IMMP2L: variants seen among roughly 807,000 people sequenced by gnomAD.
IMMP2L encodes the protein inner mitochondrial membrane peptidase subunit 2, also known as mitochondrial inner membrane protease subunit 2.
IMMP2L carries 18 observed loss-of-function variants against 19.3 expected under a neutral mutation model. That is an observed-to-expected ratio of 0.93 (90% CI 0.64 to 1.38). IMMP2L has a LOEUF of 1.38. Among genes scored for constraint, IMMP2L ranks in the 40% most tolerant of loss-of-function variants. IMMP2L has a pLI of 0.00. For missense variants in IMMP2L, 233 were observed against 218.2 expected (o/e 1.07, Z -0.43); for synonymous variants, 76 against 73.0 (o/e 1.04, Z -0.21).
chr7:111,530,436 G>A (rs1847281485), intron 1 of IMMP2L, among the ~76,000 whole-genome samples: 1 of 152,148 alleles, frequency 6.6e-6, no homozygotes, highest in Non-Finnish European at 1.5e-5. Context: ...TAATCATTTT[G>A]TTCTGCTTTG....
intron 5 of IMMP2L, among the ~76,000 whole-genome samples, chr7:110,664,100 C>T (rs1791261432): frequency 1.3e-5 from 2 of 152,212 alleles, no homozygotes; most frequent in South Asian, 4.1e-4. Context: ...CTCGAGTCCA[C>T]CATCTTAACC....
intron 3 of IMMP2L, among the ~76,000 whole-genome samples, chr7:111,415,363 C>T (rs1211924683): frequency 6.6e-6 from 1 of 151,722 alleles, no homozygotes; most frequent in Non-Finnish European, 1.5e-5. Flanking sequence ...CAGGGGAGAC[C>T]TTGACTTTAG....
At chr7:111,066,797 T>C (rs747583562) in intron 3 of IMMP2L, among the ~76,000 whole-genome samples, 8 of 152,212 alleles carry the variant, frequency 5.3e-5, no homozygotes, top group Middle Eastern at 3.2e-3. Flanking sequence ...AGTCTACCAA[T>C]ATGAATTACG....
intron 1 of IMMP2L, among the ~76,000 whole-genome samples, chr7:111,541,543 C>T (rs1017887539): frequency 6.6e-6 from 1 of 152,102 alleles, no homozygotes; most frequent in African/African-American, 2.4e-5. Flanking sequence ...TCATCTTAAA[C>T]GGCAGCTTAG....
chr7:111,060,895 C>T (rs1793955449), intron 3 of IMMP2L, among the ~76,000 whole-genome samples: 1 of 152,200 alleles, frequency 6.6e-6, no homozygotes, highest in Admixed American at 6.5e-5. Flanking sequence ...AGATGAATTT[C>T]ATCCTCACAA....
At chr7:111,503,215 T>A (rs1218525929) in intron 2 of IMMP2L, among the ~76,000 whole-genome samples, 1 of 151,886 alleles carries the variant, frequency 6.6e-6, no homozygotes, top group African/African-American at 2.4e-5. Flanking sequence ...AACTAGAAAA[T>A]CTAGAAGAAA....
At chr7:111,010,317 A>T (rs1436944641) in intron 3 of IMMP2L, among the ~76,000 whole-genome samples, 5 of 152,194 alleles carry the variant, frequency 3.3e-5, no homozygotes, top group African/African-American at 9.6e-5. Context: ...AGAGTCTTAC[A>T]TCTTTAGTAA....
Position 111,209,121 on chromosome 7 carries a change from G to C in IMMP2L, c.240-245556C>G, listed in dbSNP as rs183933058. ...AAGTAAGAACTCACAGCCGAGCACG[G>C]TGGCTCACGCCTGTAATCCCAGCAC... On this transcript the variant is annotated intron_variant, in intron 3 of 5. Coordinates refer to ENST00000405709, the MANE Select transcript of IMMP2L (RefSeq NM_032549.4). Among the ~76,000 whole-genome samples, 6 of 152,236 alleles carry C rather than the reference G, an allele frequency of 3.9e-5. No homozygotes were observed. The East Asian group carries it at 9.7e-4, about 25-fold the overall frequency.
At chr7:110,886,509 G>A in intron 5 of IMMP2L, 84 bp downstream of exon 5, 2 of 771,056 alleles carry the variant, frequency 2.6e-6, no homozygotes, top group Non-Finnish European at 4.6e-6. Context: ...TCTTGGCTGA[G>A]TTACCTGAAT....
chr7:111,180,429 G>A (rs931289059), intron 3 of IMMP2L, among the ~76,000 whole-genome samples: 8 of 151,986 alleles, frequency 5.3e-5, no homozygotes, highest in Non-Finnish European at 2.9e-5. Flanking sequence ...CCACACATTT[G>A]TCAATTCAAC....
chr7:111,132,392 A>G (rs1801932897), intron 3 of IMMP2L, among the ~76,000 whole-genome samples: 1 of 152,024 alleles, frequency 6.6e-6, no homozygotes, highest in African/African-American at 2.4e-5. Flanking sequence ...CAACTCTCCG[A>G]TTACACTTAT....
intron 3 of IMMP2L, among the ~76,000 whole-genome samples, chr7:110,980,142 G>C (rs1251780214): frequency 6.7e-6 from 1 of 149,514 alleles, no homozygotes; most frequent in Non-Finnish European, 1.5e-5. Context: ...TCATGAAACC[G>C]TCCTTTGCTG....
chr7:111,090,750 G>T (rs964238009), intron 3 of IMMP2L, among the ~76,000 whole-genome samples: 3 of 152,106 alleles, frequency 2.0e-5, no homozygotes, highest in African/African-American at 7.2e-5. Flanking sequence ...CTTCAGAGAC[G>T]GAGTTGGAGG....
At chr7:111,413,486 T>C (rs1834637971) in intron 3 of IMMP2L, among the ~76,000 whole-genome samples, 1 of 150,598 alleles carries the variant, frequency 6.6e-6, no homozygotes, top group South Asian at 2.1e-4. Flanking sequence ...AACCCAGCAA[T>C]ATAAAAAAAA....
At chr7:111,551,685 C>T (rs1313953806) in intron 1 of IMMP2L, among the ~76,000 whole-genome samples, 1 of 151,962 alleles carries the variant, frequency 6.6e-6, no homozygotes, top group Non-Finnish European at 1.5e-5. Flanking sequence ...CAGGATCCAC[C>T]ACCACCATCA....
At chr7:111,079,823 G>A (rs1442571595) in intron 3 of IMMP2L, among the ~76,000 whole-genome samples, 1 of 152,130 alleles carries the variant, frequency 6.6e-6, no homozygotes, top group Non-Finnish European at 1.5e-5. Flanking sequence ...GCCTTTTGGA[G>A]GAAATTTGGT....
intron 3 of IMMP2L, among the ~76,000 whole-genome samples, chr7:111,385,833 T>A (rs376430854): frequency 3.3e-5 from 5 of 152,118 alleles, no homozygotes; most frequent in East Asian, 1.9e-4. Flanking sequence ...CAATTAATTA[T>A]CCACTTACCC....
At chr7:110,851,587 C>T (rs969881570) in intron 5 of IMMP2L, among the ~76,000 whole-genome samples, 1 of 152,068 alleles carries the variant, frequency 6.6e-6, no homozygotes, top group East Asian at 1.9e-4. Context: ...TTCCTGACAT[C>T]CTTACCTCAT....
chr7:111,173,199 C>T (rs1481583948), intron 3 of IMMP2L, among the ~76,000 whole-genome samples: 3 of 151,430 alleles, frequency 2.0e-5, no homozygotes, highest in Non-Finnish European at 4.4e-5. Flanking sequence ...TTTTCTTTTT[C>T]AAAATTTAAC....
Sources: gnomAD v4.1 joint callset for allele counts (sites outside exome capture counted in the v4.1 genomes callset) on GRCh38, gnomAD v4.1.1 for gene constraint, MANE v1.5 for transcripts, NCBI Gene and HGNC (gene_info 2026-07-23, HGNC 2026-07-21) for gene names.